PDE4D: variants seen among roughly 807,000 people sequenced by gnomAD.
PDE4D encodes phosphodiesterase 4D.
Under a neutral mutation model 87.4 loss-of-function variants are expected in PDE4D, and 24 were observed. The ratio of observed to expected loss-of-function variants is 0.27; its 90% CI spans 0.20 to 0.39. The LOEUF (loss-of-function observed/expected upper bound fraction) is 0.39, where lower values mean the gene tolerates loss of function less well. Ranked by LOEUF, PDE4D falls within the 10% of genes least tolerant of loss-of-function variation. The pLI is 1.00. For synonymous variants in PDE4D, 384 were observed against 383.2 expected (o/e 1.00, Z -0.02); for missense variants, 714 against 1,041.0 (o/e 0.69, Z 4.32).
At chr5:59,104,657 A>G (rs1303313897) in intron 5 of PDE4D, among the ~76,000 whole-genome samples, 2 of 152,104 alleles carry the variant, frequency 1.3e-5, no homozygotes, top group African/African-American at 4.8e-5. Context: ...AATAGAAGAA[A>G]GGAAAGAAAG....
intron 6 of PDE4D, among the ~76,000 whole-genome samples, chr5:59,015,756 C>T (rs1032208933): frequency 2.0e-5 from 3 of 152,158 alleles, no homozygotes; most frequent in African/African-American, 7.2e-5. Flanking sequence ...CCATTTGACC[C>T]AGCCATCCCA....
chr5:59,132,284 G>A (rs574267208), intron 5 of PDE4D, among the ~76,000 whole-genome samples: 5 of 152,190 alleles, frequency 3.3e-5, no homozygotes, highest in Non-Finnish European at 7.3e-5. Flanking sequence ...AAAGAGTGGA[G>A]ATGACAGGTG....
intron 3 of PDE4D, among the ~76,000 whole-genome samples, chr5:59,969,209 A>T (rs1170878714): frequency 1.3e-5 from 2 of 152,188 alleles, no homozygotes; most frequent in African/African-American, 2.4e-5. Flanking sequence ...TCACAAGTCC[A>T]CCATTCACAT....
At chr5:59,405,898 T>C (rs904661145) in intron 1 of PDE4D, among the ~76,000 whole-genome samples, 1 of 152,230 alleles carries the variant, frequency 6.6e-6, no homozygotes, top group Non-Finnish European at 1.5e-5. Flanking sequence ...TCACGATGAC[T>C]AATCTTTTTA....
At chr5:59,257,469 A>T (rs184900529) in intron 1 of PDE4D, among the ~76,000 whole-genome samples, 21 of 152,196 alleles carry the variant, frequency 1.4e-4, no homozygotes, top group Admixed American at 9.2e-4. Flanking sequence ...TCATTCATCC[A>T]GCAGGCACAT....
chr5:60,169,021 A>G (rs1365261605), intron 2 of PDE4D, among the ~76,000 whole-genome samples: 3 of 152,108 alleles, frequency 2.0e-5, no homozygotes, highest in Non-Finnish European at 2.9e-5. Flanking sequence ...CATTTTGTTT[A>G]TTGTATTTTT....
At chr5:59,121,918 C>T (rs1015177040) in intron 5 of PDE4D, among the ~76,000 whole-genome samples, 16 of 152,066 alleles carry the variant, frequency 1.1e-4, no homozygotes, top group East Asian at 5.8e-4. Context: ...CCGAGACGGG[C>T]GGATCACGTG....
intron 1 of PDE4D, among the ~76,000 whole-genome samples, chr5:60,485,156 G>C (rs1485360075): frequency 6.6e-6 from 1 of 152,188 alleles, no homozygotes; most frequent in Non-Finnish European, 1.5e-5. Context: ...GGGACTTAAA[G>C]AAATGTAGGG....
rs1376107784 is a variant in PDE4D at position 60,431,037 on chromosome 5, C to T, written c.-90+56905G>A. On this transcript the variant is annotated intron_variant, in intron 1 of 16. Coordinates refer to the PDE4D transcript ENST00000502484. ...CAAAACCGCCATTGTCATCATGGCC[C>T]GTTCTCAATGAGCTGTTGGGTACAC... is the stretch of plus-strand genomic sequence containing the variant. The T allele has an allele frequency of 4.9e-4, 127 of 259,906 alleles. 1 individual carries two copies. The highest frequency in any genetic ancestry group is 2.8e-3 in the African/African-American group (117 of 42,504). The allele number at this position is 259,906 out of a possible 1,614,324, so 16.1% of individuals were successfully genotyped here.
At chr5:59,908,277 G>T (rs1163351494) in intron 3 of PDE4D, among the ~76,000 whole-genome samples, 1 of 152,022 alleles carries the variant, frequency 6.6e-6, no homozygotes, top group Non-Finnish European at 1.5e-5. Flanking sequence ...CAAACAATTT[G>T]TTCACATGTC....
chr5:59,038,796 G>A (rs1270824018), intron 6 of PDE4D, 63 bp downstream of exon 6: 7 of 1,386,574 alleles, frequency 5.0e-6, no homozygotes, highest in Non-Finnish European at 5.7e-6. Context: ...ATGGGTACCA[G>A]TGGCTCGCCG....
intron 1 of PDE4D, among the ~76,000 whole-genome samples, chr5:60,379,371 C>T (rs77079882): frequency 0.014 from 2,086 of 152,166 alleles, 52 homozygotes; most frequent in African/African-American, 0.048. Flanking sequence ...TATTTTTAGC[C>T]GCAAGAGTTA....
intron 5 of PDE4D, among the ~76,000 whole-genome samples, chr5:59,060,921 C>G (rs1763026065): frequency 6.6e-6 from 1 of 151,886 alleles, no homozygotes; most frequent in Admixed American, 6.6e-5. Flanking sequence ...TGTGAGGAAC[C>G]AAAAAATGGT....
intron 1 of PDE4D, among the ~76,000 whole-genome samples, chr5:59,689,484 A>C (rs548472779): frequency 2.0e-5 from 3 of 152,164 alleles, no homozygotes; most frequent in Non-Finnish European, 4.4e-5. Context: ...TGATTCTCTC[A>C]ATAGATGCAG....
chr5:59,536,271 C>T (rs1484742231), intron 1 of PDE4D, among the ~76,000 whole-genome samples: 1 of 151,612 alleles, frequency 6.6e-6, no homozygotes, highest in African/African-American at 2.4e-5. Context: ...TTTGGGAGGC[C>T]GAGATGGGTG....
chr5:59,997,241 A>C (rs1763601944), intron 2 of PDE4D, among the ~76,000 whole-genome samples: 2 of 152,180 alleles, frequency 1.3e-5, no homozygotes, highest in Admixed American at 1.3e-4. Context: ...CAGTAATAGA[A>C]TCCCAAGTGT....
chr5:59,402,711 T>C (rs1242221006), intron 1 of PDE4D, among the ~76,000 whole-genome samples: 1 of 152,220 alleles, frequency 6.6e-6, no homozygotes, highest in African/African-American at 2.4e-5. Context: ...CCCCAAATTG[T>C]ATGCACAGGG....
intron 1 of PDE4D, among the ~76,000 whole-genome samples, chr5:60,299,777 A>C (rs1753729135): frequency 6.6e-6 from 1 of 152,206 alleles, no homozygotes; most frequent in African/African-American, 2.4e-5. Context: ...TATATGTTCC[A>C]TATTTTCTTT....
intron 1 of PDE4D, among the ~76,000 whole-genome samples, chr5:59,505,619 T>C (rs1223773832): frequency 6.6e-6 from 1 of 152,224 alleles, no homozygotes; most frequent in Non-Finnish European, 1.5e-5. Flanking sequence ...ACATTTTGCA[T>C]ATATCATTAT....
Sources: allele counts gnomAD v4.1 joint callset (sites outside exome capture counted in the v4.1 genomes callset), GRCh38; gene constraint gnomAD v4.1.1; transcripts MANE v1.5; gene names NCBI Gene and HGNC (gene_info 2026-07-23, HGNC 2026-07-21).